The following OTOF variants were observed in gnomAD, a reference collection of about 807,000 sequenced individuals.
OTOF encodes otoferlin.
In OTOF, 218 loss-of-function variants were observed where a neutral mutation model predicts 236.8. The observed-to-expected ratio is 0.92, with a 90% CI of 0.82 to 1.03. OTOF has a LOEUF of 1.03. Among genes scored for constraint, OTOF ranks in the 50% least tolerant of loss-of-function variants. The pLI is 0.00. For synonymous variants in OTOF, 1,041 were observed against 1,072.5 expected, an observed-to-expected ratio of 0.97 and a Z score of 0.57; for missense variants, 2,590 against 2,694.4, an observed-to-expected ratio of 0.96 and a Z score of 0.86.
In OTOF at chr2:26,458,103, G is replaced by A. The variant is rs1341240357; in HGVS notation, c.*135C>T. On this transcript the variant is annotated 3_prime_UTR_variant, in exon 47 of 47. Transcript: ENST00000272371. ...GGCTGTAGAGGAAGAGCCCCAACATGAGCAGCCCCAACAGCGCCAGCACGA... is the reference window on the plus strand; with the variant it reads ...GGCTGTAGAGGAAGAGCCCCAACATAAGCAGCCCCAACAGCGCCAGCACGA... The A allele has an allele frequency of 3.1e-6, 5 of 1,614,192 alleles. No homozygotes were observed. The highest frequency in any genetic ancestry group is 4.2e-6 in the Non-Finnish European group (5 of 1,180,024).
chr2:26,524,367 G>T (rs1440883562), intron 3 of OTOF, among the ~76,000 whole-genome samples: 5 of 152,144 alleles, frequency 3.3e-5, no homozygotes, highest in Admixed American at 3.3e-4. Flanking sequence ...AAATTATCCA[G>T]GCCTGGTGGC....
Position 26,460,591 on chromosome 2 carries a change from G to A in OTOF, c.5813+56C>T. 1 of 1,382,980 alleles carries A rather than the reference G, an allele frequency of 7.2e-7. No homozygotes were observed. The highest frequency in any genetic ancestry group is 2.3e-5 in the East Asian group (1 of 43,310). The allele number at this position is 1,382,980 out of a possible 1,614,324, so 85.7% of individuals were successfully genotyped here. On this transcript the variant is annotated intron_variant, in intron 45 of 46. Transcript: ENST00000272371. This position sits in a 1 kb window ranked among gnomAD's most constrained non-coding sequence, Gnocchi z 5.3. ...GGTGTCTGGGGATCGTCTCCTTCCT[G>A]TTCCAGCGCCTCCAAGAGCCAGAGT...
rs1331561502 is a variant in OTOF at position 26,461,384 on chromosome 2, A to T, written c.5533+312T>A. On this transcript the variant is annotated intron_variant, in intron 43 of 46. Transcript: ENST00000272371. This position sits in a 1 kb window ranked among gnomAD's most constrained non-coding sequence, Gnocchi z 6.2. ...AGGGAGAATCCCTGCTTTACAGAGA[A>T]GCAACCTGAGGCCCAGGGAGGTTTC... Among the ~76,000 whole-genome samples the T allele has an allele frequency of 6.6e-6, 1 of 152,198 alleles. No homozygotes were observed. The highest frequency in any genetic ancestry group is 2.4e-5 in the African/African-American group (1 of 41,448).
Position 26,480,328 on chromosome 2 carries a change from C to T in OTOF, c.1804-17G>A, listed in dbSNP as rs1304343905. On this transcript the variant is annotated splice_polypyrimidine_tract_variant and intron_variant, in intron 15 of 46. Coordinates refer to ENST00000272371, the MANE Select transcript of OTOF (RefSeq NM_194248.3). Reference sequence around the variant, plus strand: ...TGCACAGCTCTGTGGGGAGGCAGTTCAAAGCGTTCCTGAGCTTGAGTAAGG... The same window carrying T: ...TGCACAGCTCTGTGGGGAGGCAGTTTAAAGCGTTCCTGAGCTTGAGTAAGG... 1 of 1,478,800 alleles carries T rather than the reference C, an allele frequency of 6.8e-7. No homozygotes were observed. The allele number at this position is 1,478,800 out of a possible 1,614,324, so 91.6% of individuals were successfully genotyped here. A position where few individuals can be genotyped will look rare whatever the true frequency, so the allele number is the denominator to read the frequency against.
At chr2:26,488,712 G>T (rs560430575) in intron 11 of OTOF, among the ~76,000 whole-genome samples, 1 of 152,366 alleles carries the variant, frequency 6.6e-6, no homozygotes, top group East Asian at 1.9e-4. Flanking sequence ...CAGCTGTGTG[G>T]CTGGGGCAAG....
At chr2:26,540,851 A>T (rs902655591) in intron 1 of OTOF, among the ~76,000 whole-genome samples, 5 of 152,218 alleles carry the variant, frequency 3.3e-5, no homozygotes, top group African/African-American at 1.2e-4. Flanking sequence ...ATGGGAAAGA[A>T]AGAATGTTTA....
intron 41 of OTOF, among the ~76,000 whole-genome samples, chr2:26,463,061 G>A (rs1412627998): frequency 6.6e-6 from 1 of 152,198 alleles, no homozygotes; most frequent in Admixed American, 6.5e-5. Context: ...GATGACGCAG[G>A]GCCGGCTCCC....
At chr2:26,494,787 T>C (rs1665938282) in intron 9 of OTOF, among the ~76,000 whole-genome samples, 155 bp downstream of exon 9, 1 of 152,130 alleles carries the variant, frequency 6.6e-6, no homozygotes, top group Non-Finnish European at 1.5e-5. Context: ...GTGGCTCTGT[T>C]TGTCAGTGTC....
rs1665454633 is a variant in OTOF, at chr2:26,479,339, G to T, written c.2139C>A (p.Tyr713Ter). The T allele has an allele frequency of 6.2e-7, 1 of 1,612,724 alleles. No homozygotes were observed. Among genetic ancestry groups the T allele is most frequent in the Non-Finnish European group, 8.5e-7 (1 of 1,179,960 alleles). ...LPYLERKPCI[Y>*]IKSWWPDQRR... The stretch of plus-strand genomic sequence containing the variant: ...GCTGGTCCGGCCACCAGCTCTTGAT[G>T]TAGATGCAGGGCTTTCGCTCCAGGT... The change falls in exon 18 of 47, where the codon TAC becomes TAA. Residue 713 changes from tyrosine (Y) to a stop codon, truncating the protein, a stop_gained. Coordinates refer to ENST00000272371, the MANE Select transcript of OTOF (RefSeq NM_194248.3). LOFTEE classifies it high-confidence loss of function.
chr2:26,544,177 T>A (rs1241436430), intron 1 of OTOF, among the ~76,000 whole-genome samples: 1 of 152,254 alleles, frequency 6.6e-6, no homozygotes, highest in East Asian at 1.9e-4. Context: ...ATTTTAGATG[T>A]GAGTCTCTCT....
rs761052683 is a variant in OTOF, at chr2:26,527,836, T to C, written c.223A>G (p.Asn75Asp). 3 of 1,611,828 alleles carry C rather than the reference T, an allele frequency of 1.9e-6. No homozygotes were observed. The highest frequency in any genetic ancestry group is 1.1e-5 in the South Asian group (1 of 91,028). ...QVFNYSKVFS[N>D]KLIGTFRMVL... The stretch of plus-strand genomic sequence containing the variant: ...CCTGCCCCATCCCACACTTACTTGT[T>C]GCTGAAGACTTTGCTGTAGTTGAAA... The change falls in exon 3 of 47, where the codon AAC becomes GAC. Residue 75 changes from asparagine to aspartate, a missense_variant. By Grantham distance (23) the Asn-to-Asp change is conservative. Coordinates refer to ENST00000272371, the MANE Select transcript of OTOF (RefSeq NM_194248.3).
chr2:26,463,300 T>C (rs559244449), intron 41 of OTOF, among the ~76,000 whole-genome samples, 183 bp downstream of exon 41: 1 of 152,350 alleles, frequency 6.6e-6, no homozygotes, highest in South Asian at 2.1e-4. Flanking sequence ...GGGCAGGCCC[T>C]AAACTCTATC....
chr2:26,479,293 T>G lies in OTOF; in HGVS notation c.2185A>C (p.Asn729His). 1.2e-6 allele frequency: 2 copies of G among 1,612,992 alleles called. No individual in the cohort carries two copies. The highest frequency in any genetic ancestry group is 1.7e-6 in the Non-Finnish European group (2 of 1,179,970). Reference sequence around the variant, plus strand: ...TTGTCGGCAATGTGGTCCATGATGTTGGCATTGTAGAGGCGGCGGCGCTGG... The same window carrying G: ...TTGTCGGCAATGTGGTCCATGATGTGGGCATTGTAGAGGCGGCGGCGCTGG... ...PDQRRRLYNANIMDHIADKLE... is the reference protein window; with the variant it reads ...PDQRRRLYNAHIMDHIADKLE... Residue 729 changes from asparagine (N) to histidine (H), a missense_variant, in exon 18 of 47, where the codon AAC (asparagine) becomes CAC (histidine). Asn to His is a moderately conservative substitution (Grantham distance 68). Around this residue, in one of 2 missense-constraint regions of OTOF, gnomAD observed 1,379 missense variants for 1,341.6 expected, o/e 1.03. Coordinates refer to ENST00000272371, the MANE Select transcript of OTOF (RefSeq NM_194248.3).
Position 26,462,046 on chromosome 2 carries a change from C to CCCCCCA in OTOF, c.5291+36_5291+37insTGGGGG. The CCCCCCA allele has an allele frequency of 6.3e-7, 1 of 1,590,730 alleles. No homozygotes were observed. Among genetic ancestry groups the CCCCCCA allele is most frequent in the Non-Finnish European group, 8.6e-7 (1 of 1,159,104 alleles). On this transcript the variant is annotated intron_variant, in intron 42 of 46. Coordinates refer to ENST00000272371, the MANE Select transcript of OTOF (RefSeq NM_194248.3). This position sits in a 1 kb window ranked among gnomAD's most constrained non-coding sequence, Gnocchi z 4.7. ...TGCCCCCCGGGAAGCAAGCCCCACC[C>CCCCCCA]AGCTCAGTCCCTCCCATGCAGGGAC...
chr2:26,466,915 T>C (rs1156519692), intron 35 of OTOF, 64 bp from the exon 36 acceptor site: 3 of 1,606,802 alleles, frequency 1.9e-6, no homozygotes, highest in African/African-American at 2.7e-5. Context: ...TCAAAATAGC[T>C]AACAGCACCA....
chr2:26,548,322 A>G (rs77439356), intron 1 of OTOF, among the ~76,000 whole-genome samples: 2 of 151,826 alleles, frequency 1.3e-5, no homozygotes, highest in Non-Finnish European at 2.9e-5. Context: ...ATTTTTATTT[A>G]TTGAAATATA....
chr2:26,498,896 G>A (rs1207520384), intron 8 of OTOF, among the ~76,000 whole-genome samples: 4 of 152,108 alleles, frequency 2.6e-5, no homozygotes, highest in African/African-American at 9.7e-5. Flanking sequence ...GACCAGATTT[G>A]CATTTTCAGA....
chr2:26,468,310 G>T, intron 33 of OTOF, 98 bp downstream of exon 33: 1 of 904,680 alleles, frequency 1.1e-6, no homozygotes, highest in South Asian at 1.3e-5. Context: ...TGGGAGGGCT[G>T]GCAGGAGGGA....
At chr2:26,463,420 G>A in intron 41 of OTOF, 63 bp downstream of exon 41, 2 of 1,348,584 alleles carry the variant, frequency 1.5e-6, no homozygotes, top group Non-Finnish European at 2.1e-6. Flanking sequence ...GAAGGGTTGG[G>A]CCGTGGTGGG....
Sources: allele counts gnomAD v4.1 joint callset (sites outside exome capture counted in the v4.1 genomes callset), GRCh38; gene constraint gnomAD v4.1.1; regional missense constraint gnomAD v4.1.1; non-coding constraint Gnocchi (gnomAD v3.1); transcripts MANE v1.5; gene names NCBI Gene and HGNC (gene_info 2026-07-23, HGNC 2026-07-21).